The following GLRA2 variants were observed in gnomAD, a reference collection of about 807,000 sequenced individuals.
GLRA2 encodes glycine receptor subunit alpha-2.
In GLRA2, 11 loss-of-function variants were observed where a neutral mutation model predicts 31.6. The ratio of observed to expected loss-of-function variants is 0.35; its 90% CI spans 0.22 to 0.58. The LOEUF (loss-of-function observed/expected upper bound fraction) is 0.58. Among genes scored for constraint, GLRA2 ranks in the 20% least tolerant of loss-of-function variants. The pLI is 0.84. For missense variants in GLRA2, 212 were observed against 351.8 expected, an observed-to-expected ratio of 0.60 and a Z score of 3.18; for synonymous variants, 132 against 134.0, an observed-to-expected ratio of 0.99 and a Z score of 0.10.
Position 14,529,966 on chromosome X carries a change from A to G in GLRA2, c.-92A>G. 1 of 714,241 alleles carries G rather than the reference A, an allele frequency of 1.4e-6. No individual in the cohort carries two copies. The highest frequency in any genetic ancestry group is 2.2e-5 in the South Asian group (1 of 46,104). 58.9% of individuals were successfully genotyped at this position (714,241 alleles called of 1,213,427 possible). On this transcript the variant is annotated 5_prime_UTR_variant, in exon 1 of 9. Coordinates refer to ENST00000218075, the MANE Select transcript of GLRA2 (RefSeq NM_002063.4). ...TTTCAAGGAAACTAGGTTCCTGCCAAATTTTGAATCTGGACAATAAACAGA... is the reference window on the plus strand; with the variant it reads ...TTTCAAGGAAACTAGGTTCCTGCCAGATTTTGAATCTGGACAATAAACAGA...
At chrX:14,453,484 T>C in the GLRA2 span, among the ~76,000 whole-genome samples, 1 of 111,520 alleles carries the variant, frequency 9.0e-6, no homozygotes, top group Non-Finnish European at 1.9e-5. Context: ...AAAAGTACAT[T>C]CAACATCTAT....
At chrX:14,597,804 C>T (rs1435707458) in intron 4 of GLRA2, among the ~76,000 whole-genome samples, 2 of 111,582 alleles carry the variant, frequency 1.8e-5, no homozygotes, top group Non-Finnish European at 3.8e-5. Context: ...AATCTAACTT[C>T]GGTTGCTTAG....
At chrX:14,595,869 G>GATACAT (rs1215643775) in intron 4 of GLRA2, among the ~76,000 whole-genome samples, 1 of 112,031 alleles carries the variant, frequency 8.9e-6, no homozygotes, top group African/African-American at 3.2e-5. Context: ...AAACTATTAG[G>GATACAT]ATACATATCT....
the GLRA2 span, among the ~76,000 whole-genome samples, chrX:14,460,823 A>AT: frequency 2.4e-4 from 26 of 109,560 alleles, no homozygotes; most frequent in Non-Finnish European, 4.2e-4. Context: ...GGATTCATTG[A>AT]TTTTTTTTGA....
At chrX:14,631,074 T>C (rs1191700806) in intron 7 of GLRA2, among the ~76,000 whole-genome samples, 1 of 111,293 alleles carries the variant, frequency 9.0e-6, no homozygotes, top group Admixed American at 9.6e-5. Flanking sequence ...AGTTTCAACA[T>C]AAATTTTGGA....
the GLRA2 span, among the ~76,000 whole-genome samples, chrX:14,468,270 A>C: frequency 8.9e-6 from 1 of 112,478 alleles, no homozygotes; most frequent in East Asian, 2.8e-4. Flanking sequence ...AGCTCTGAGT[A>C]AGTTTCATTC....
At chrX:14,557,224 T>TC (rs2147035793) in intron 2 of GLRA2, among the ~76,000 whole-genome samples, 1 of 97,453 alleles carries the variant, frequency 1.0e-5, no homozygotes, top group Non-Finnish European at 2.0e-5. Context: ...CACGCCATTC[T>TC]CCTGCCTCAG....
chrX:14,656,862 A>T (rs759028618), intron 7 of GLRA2, among the ~76,000 whole-genome samples: 5 of 112,203 alleles, frequency 4.5e-5, no homozygotes, highest in Non-Finnish European at 9.4e-5. Context: ...AATAGAGCAC[A>T]GTTAAGTGTT....
chrX:14,458,878 T>A, the GLRA2 span, among the ~76,000 whole-genome samples: 1 of 111,879 alleles, frequency 8.9e-6, no homozygotes, highest in South Asian at 3.7e-4. Flanking sequence ...TTAGTTTAAT[T>A]CGATCCCATT....
At chrX:14,600,858 A>G (rs1051527730) in intron 4 of GLRA2, among the ~76,000 whole-genome samples, 1 of 111,572 alleles carries the variant, frequency 9.0e-6, no homozygotes, top group African/African-American at 3.2e-5. Flanking sequence ...GTTATGAATG[A>G]ACATATTTTT....
At chrX:14,627,849 T>C (rs2090605192) in intron 7 of GLRA2, among the ~76,000 whole-genome samples, 1 of 112,136 alleles carries the variant, frequency 8.9e-6, no homozygotes, top group African/African-American at 3.2e-5. Flanking sequence ...AATTAATATT[T>C]TGTAATTGGC....
chrX:14,609,498 G>A (rs1034248704), intron 7 of GLRA2, among the ~76,000 whole-genome samples: 11 of 111,014 alleles, frequency 9.9e-5, no homozygotes, highest in African/African-American at 3.3e-4. Flanking sequence ...TTTTGATCTC[G>A]GTTGTTTATA....
At chrX:14,593,434 T>C (rs1601745920) in intron 4 of GLRA2, among the ~76,000 whole-genome samples, 2 of 112,355 alleles carry the variant, frequency 1.8e-5, no homozygotes, top group South Asian at 7.4e-4. Flanking sequence ...TGATTGGTTA[T>C]TTCAAATGAC....
At chrX:14,523,189 T>G in the GLRA2 span, among the ~76,000 whole-genome samples, 1 of 112,248 alleles carries the variant, frequency 8.9e-6, no homozygotes, top group African/African-American at 3.2e-5. Context: ...TGCATTTTTA[T>G]GTTATGGAGG....
the GLRA2 span, among the ~76,000 whole-genome samples, chrX:14,463,554 C>T: frequency 4.5e-5 from 5 of 111,109 alleles, no homozygotes; most frequent in Admixed American, 9.5e-5. Flanking sequence ...AGCATAGAAC[C>T]GCCTACTCAA....
the GLRA2 span, among the ~76,000 whole-genome samples, chrX:14,498,481 T>G: frequency 4.5e-5 from 5 of 110,946 alleles, no homozygotes; most frequent in Non-Finnish European, 9.5e-5. Flanking sequence ...TTTTTATTTT[T>G]AAATTTTTTT....
chrX:14,575,073 C>G (rs2089935507), intron 3 of GLRA2, among the ~76,000 whole-genome samples: 1 of 108,541 alleles, frequency 9.2e-6, no homozygotes, highest in Admixed American at 9.8e-5. Context: ...ACAATTATAC[C>G]ATATGAATGC....
At chrX:14,510,044 A>T in the GLRA2 span, among the ~76,000 whole-genome samples, 2 of 111,853 alleles carry the variant, frequency 1.8e-5, no homozygotes, top group Non-Finnish European at 3.8e-5. Flanking sequence ...GGGTCCTGGC[A>T]GGAAACAAGA....
chrX:14,604,995 G>T (rs1273307486), intron 5 of GLRA2, among the ~76,000 whole-genome samples: 2 of 111,071 alleles, frequency 1.8e-5, no homozygotes, highest in Non-Finnish European at 3.8e-5. Context: ...GAAGCAAGTA[G>T]AAAAAGGCCA....
Sources: allele counts gnomAD v4.1 joint callset (sites outside exome capture counted in the v4.1 genomes callset), GRCh38; gene constraint gnomAD v4.1.1; transcripts MANE v1.5; gene names NCBI Gene and HGNC (gene_info 2026-07-23, HGNC 2026-07-21).